GTF2F1: variants seen among roughly 807,000 people sequenced by gnomAD.
The protein encoded by GTF2F1 is general transcription factor IIF 74 kDa subunit.
GTF2F1 carries 39 observed loss-of-function variants against 63.5 expected under a neutral mutation model. The ratio of observed to expected loss-of-function variants is 0.61; its 90% CI spans 0.48 to 0.80. The LOEUF (loss-of-function observed/expected upper bound fraction) is 0.80, where lower values mean the gene tolerates loss of function less well. GTF2F1 is among the 30% of genes least tolerant of loss of function. The pLI is 0.00. For missense variants in GTF2F1, 657 were observed against 718.3 expected (o/e 0.91, Z 0.97); for synonymous variants, 287 against 285.3 (o/e 1.01, Z -0.06).
chr19:6,389,470 G>C lies in GTF2F1; in HGVS notation c.300C>G (p.Leu100=). 2 of 1,614,006 alleles carry C rather than the reference G, an allele frequency of 1.2e-6. No homozygotes were observed. Among genetic ancestry groups the C allele is most frequent in the African/African-American group, 1.3e-5 (1 of 75,050 alleles). ...EFRPEDQPWL[L]RVNGKSGRKF... is the part of the protein sequence containing the mutation. ...TCCTGCCTGATTTGCCGTTGACCCG[G>C]AGCAGCCAGGGCTGGTCCTCGGGCC... The change falls in exon 4 of 13, where the codon CTC becomes CTG. Residue 100 remains leucine, a synonymous_variant. Coordinates refer to ENST00000394456, the MANE Select transcript of GTF2F1 (RefSeq NM_002096.3).
chr19:6,389,778 C>T (rs1226355664), intron 3 of GTF2F1, 141 bp from the exon 4 acceptor site: 9 of 678,230 alleles, frequency 1.3e-5, no homozygotes, highest in African/African-American at 5.4e-5. Context: ...GGGAGGAGAA[C>T]GGTAGCCTTT....
chr19:6,392,009 T>C (rs1340907136), intron 2 of GTF2F1, 35 bp from the exon 3 acceptor site: 10 of 1,048,678 alleles, frequency 9.5e-6, no homozygotes, highest in Non-Finnish European at 1.3e-5. Flanking sequence ...GTCAATCCAA[T>C]ACAGCAATTC....
In GTF2F1 at chr19:6,381,109, G is replaced by A. The variant is rs1445657890; in HGVS notation, c.1092+13C>T. ...GACGCCCAGGCCTCCCCCGCCACCG[G>A]GCTGGGCCTTACCGCCATGAAGAGG... On this transcript the variant is annotated intron_variant, in intron 10 of 12. Coordinates refer to ENST00000394456, the MANE Select transcript of GTF2F1 (RefSeq NM_002096.3). This position sits in a 1 kb window ranked among gnomAD's most constrained non-coding sequence, Gnocchi z 4.1. 1 of 1,610,658 alleles carries A rather than the reference G, an allele frequency of 6.2e-7. No homozygotes were observed. Among genetic ancestry groups the A allele is most frequent in the Non-Finnish European group, 8.5e-7 (1 of 1,178,740 alleles).
chr19:6,380,521 A>T lies in GTF2F1; in HGVS notation c.1350-36T>A. On this transcript the variant is annotated intron_variant, in intron 12 of 12. Coordinates refer to ENST00000394456, the MANE Select transcript of GTF2F1 (RefSeq NM_002096.3). This position sits in a 1 kb window ranked among gnomAD's most constrained non-coding sequence, Gnocchi z 5.3. ...GAGGACGGGGAAGGTGGCATCAGTG[A>T]GATTGTCCCCAGTAGCCCTTGCCCT... The T allele has an allele frequency of 6.2e-7, 1 of 1,612,544 alleles. No individual in the cohort carries two copies. Among genetic ancestry groups the T allele is most frequent in the Non-Finnish European group, 8.5e-7 (1 of 1,178,638 alleles).
Position 6,392,987 on chromosome 19 carries a change from G to A in GTF2F1, c.9C>T (p.Ala3=). Residue 3 remains alanine, a synonymous_variant, in exon 1 of 13, where the codon GCC becomes GCT. Coordinates refer to ENST00000394456, the MANE Select transcript of GTF2F1 (RefSeq NM_002096.3). MA[A]LGPSSQNVTE... Reference sequence around the variant, plus strand: ...ACCCCGCCAAATCCACACTCACTAGGGCCGCCATGGGCAATGGTCAGTGGT... The same window carrying A: ...ACCCCGCCAAATCCACACTCACTAGAGCCGCCATGGGCAATGGTCAGTGGT... The A allele has an allele frequency of 6.2e-7, 1 of 1,614,128 alleles. No homozygotes were observed. The highest frequency in any genetic ancestry group is 2.2e-5 in the East Asian group (1 of 44,876).
Position 6,380,869 on chromosome 19 carries a change from T to A in GTF2F1, c.1231+35A>T. 6.5e-7 allele frequency: 1 copy of A among 1,528,616 alleles called. No homozygotes were observed. The highest frequency in any genetic ancestry group is 8.8e-7 in the Non-Finnish European group (1 of 1,141,684). 94.7% of individuals were successfully genotyped at this position (1,528,616 alleles called of 1,614,324 possible). The stretch of plus-strand genomic sequence containing the variant: ...AACAGAGGTCAGGAGGCTGTGGCTG[T>A]GGCTGTGGGGAGCGGGGAGGCCACG... On this transcript the variant is annotated intron_variant, in intron 11 of 12. Coordinates refer to ENST00000394456, the MANE Select transcript of GTF2F1 (RefSeq NM_002096.3). This position sits in a 1 kb window ranked among gnomAD's most constrained non-coding sequence, Gnocchi z 5.3.
At chr19:6,384,021 G>T (rs1232158993) in intron 5 of GTF2F1, among the ~76,000 whole-genome samples, 1 of 150,140 alleles carries the variant, frequency 6.7e-6, no homozygotes, top group Non-Finnish European at 1.5e-5. Context: ...TGGACAGGCT[G>T]GTCTCGAACT....
rs147453870 is a variant in GTF2F1, at chr19:6,390,874, C to T, written c.132+1028G>A. Reference sequence around the variant, plus strand: ...CAGCCTGGATGACAAGAGACTCCATCACAAAAAAATAAAATAAAATAAATA... The same window carrying T: ...CAGCCTGGATGACAAGAGACTCCATTACAAAAAAATAAAATAAAATAAATA... On this transcript the variant is annotated intron_variant, in intron 3 of 12. Coordinates refer to ENST00000394456, the MANE Select transcript of GTF2F1 (RefSeq NM_002096.3). 4.3e-3 allele frequency among the ~76,000 whole-genome samples: 654 copies of T among 152,006 alleles called. 24 individuals are homozygous for T. Among genetic ancestry groups the T allele is most frequent in the Non-Finnish European group, 7.8e-4 (53 of 68,000 alleles).
In GTF2F1 at chr19:6,380,787, G is replaced by C; in HGVS notation, c.1232-97C>G. 2 of 1,529,136 alleles carry C rather than the reference G, an allele frequency of 1.3e-6. No individual in the cohort carries two copies. Among genetic ancestry groups the C allele is most frequent in the African/African-American group, 2.7e-5 (2 of 73,620 alleles). 94.7% of individuals were successfully genotyped at this position (1,529,136 alleles called of 1,614,324 possible). A position where few individuals can be genotyped will look rare whatever the true frequency, so the allele number is the denominator to read the frequency against. On this transcript the variant is annotated intron_variant, in intron 11 of 12. Transcript: ENST00000394456. This position sits in a 1 kb window ranked among gnomAD's most constrained non-coding sequence, Gnocchi z 5.3. The stretch of plus-strand genomic sequence containing the variant: ...CAGTGCCAGGATTAGGGTTCAAGGG[G>C]ATCAGGGAGAGACAGGCCTCCACCC...
At position 6,387,547 on chromosome 19, in the gene GTF2F1, G is replaced by T. The variant is rs116536653; in HGVS notation, c.339C>A (p.Ile113=). 3.1e-3 allele frequency: 5,015 copies of T among 1,614,006 alleles called. 13 individuals are homozygous for T. The highest frequency in any genetic ancestry group is 3.6e-3 in the Non-Finnish European group (4,306 of 1,179,910). The change falls in exon 5 of 13, where the codon ATC becomes ATA. Residue 113 remains isoleucine, a synonymous_variant. Transcript: ENST00000394456. ...TGTTCTCTGTTACGCCTCCCTTCTT[G>T]ATGCCCTTGAACCTGCAGGGAGCCA... ...NGKSGRKFKG[I]KKGGVTENTS...
intron 3 of GTF2F1, 29 bp from the exon 4 acceptor site, chr19:6,389,666 G>C (rs192492551): frequency 6.2e-7 from 1 of 1,603,954 alleles, no homozygotes; most frequent in African/African-American, 1.3e-5. Context: ...AAGCCTCTCA[G>C]GGTCCCTGGC....
chr19:6,383,734 A>T lies in GTF2F1; in HGVS notation c.498-239T>A, dbSNP rs1181571950. Among the ~76,000 whole-genome samples the T allele has an allele frequency of 2.0e-5, 3 of 151,694 alleles. No homozygotes were observed. The highest frequency in any genetic ancestry group is 4.4e-5 in the Non-Finnish European group (3 of 67,930). ...CCCCATGTGCTGCTGGAGTCTCAGCACCTCCCTCGGACTCAGAGTCTGGCC... is the reference window on the plus strand; with the variant it reads ...CCCCATGTGCTGCTGGAGTCTCAGCTCCTCCCTCGGACTCAGAGTCTGGCC... On this transcript the variant is annotated intron_variant, in intron 5 of 12. Coordinates refer to ENST00000394456, the MANE Select transcript of GTF2F1 (RefSeq NM_002096.3). The surrounding 1 kb of genome is among the most constrained non-coding windows in gnomAD (Gnocchi z 4.5).
In GTF2F1 at chr19:6,380,250, T is replaced by TG. The variant is rs772474765; in HGVS notation, c.*30dup. 8.2e-6 allele frequency: 13 copies of TG among 1,579,180 alleles called. No homozygotes were observed. The East Asian group carries it at 9.0e-5, about 11-fold the overall frequency. On this transcript the variant is annotated 3_prime_UTR_variant, in exon 13 of 13. Transcript: ENST00000394456. The surrounding 1 kb of genome is among the most constrained non-coding windows in gnomAD (Gnocchi z 5.3). ...AAGGGGCAGTGAGAGCCTTAAGTTC[T>TG]GGGGGGCAGAGCCATGTATTGGACC...
chr19:6,384,090 C>T (rs1466786906), intron 5 of GTF2F1, among the ~76,000 whole-genome samples: 1 of 151,682 alleles, frequency 6.6e-6, no homozygotes, highest in Non-Finnish European at 1.5e-5. Context: ...TGTGAGCCAC[C>T]GTGCCCAGCC....
intron 2 of GTF2F1, chr19:6,392,264 A>C (rs997369277): frequency 2.0e-6 from 1 of 505,774 alleles, no homozygotes; most frequent in African/African-American, 1.9e-5. Context: ...AAGGATTCCC[A>C]GTCTGCCAGA....
intron 6 of GTF2F1, among the ~76,000 whole-genome samples, chr19:6,382,838 T>A (rs1040903817): frequency 6.8e-6 from 1 of 147,530 alleles, no homozygotes; most frequent in South Asian, 2.1e-4. Flanking sequence ...ATGGCTCAGC[T>A]CTCCCGGGCT....
rs746094363 is a variant in GTF2F1 at position 6,383,276 on chromosome 19, C to A, written c.682+35G>T. On this transcript the variant is annotated intron_variant, in intron 6 of 12. Transcript: ENST00000394456. This position sits in a 1 kb window ranked among gnomAD's most constrained non-coding sequence, Gnocchi z 4.5. ...TTCACTGGCACTGCCTGAGCAGGCA[C>A]CTCTGTGACCTAATGCCCAGGCGCC... 2.5e-6 allele frequency: 4 copies of A among 1,603,240 alleles called. No homozygotes were observed. Among genetic ancestry groups the A allele is most frequent in the African/African-American group, 1.3e-5 (1 of 74,918 alleles).
Position 6,389,535 on chromosome 19 carries a change from C to T in GTF2F1, c.235G>A (p.Ala79Thr), listed in dbSNP as rs2091988005. Residue 79 changes from alanine to threonine, a missense_variant, in exon 4 of 13, where the codon GCT becomes ACT. Ala to Thr is a moderately conservative substitution (Grantham distance 58). This residue lies in a region of GTF2F1 where 602 missense variants were observed against 625.6 expected (regional missense o/e 0.96). Coordinates refer to ENST00000394456, the MANE Select transcript of GTF2F1 (RefSeq NM_002096.3). ...SEFNRKLREE[A>T]RRKKYGIVLK... ...ACGATGCCGTACTTCTTCCTCCGAG[C>T]CTCCTCCCGAAGCTTGCGGTTGAAC... 6.2e-7 allele frequency: 1 copy of T among 1,614,108 alleles called. No homozygotes were observed. Among genetic ancestry groups the T allele is most frequent in the Non-Finnish European group, 8.5e-7 (1 of 1,180,036 alleles).
At chr19:6,391,682 G>A (rs1456608945) in intron 3 of GTF2F1, among the ~76,000 whole-genome samples, 1 of 151,930 alleles carries the variant, frequency 6.6e-6, no homozygotes, top group Non-Finnish European at 1.5e-5. Flanking sequence ...CAAACTCCTG[G>A]CCTTAAGCAA....
Sources: allele counts gnomAD v4.1 joint callset (sites outside exome capture counted in the v4.1 genomes callset), GRCh38; gene constraint gnomAD v4.1.1; regional missense constraint gnomAD v4.1.1; non-coding constraint Gnocchi (gnomAD v3.1); transcripts MANE v1.5; gene names NCBI Gene and HGNC (gene_info 2026-07-23, HGNC 2026-07-21).